ZUP1: variants seen among roughly 807,000 people sequenced by gnomAD.
ZUP1 encodes zinc finger containing ubiquitin peptidase 1.
A neutral mutation model predicts 68.1 loss-of-function variants in ZUP1; 55 were observed. The ratio of observed to expected loss-of-function variants is 0.81; its 90% CI spans 0.65 to 1.01. The LOEUF (loss-of-function observed/expected upper bound fraction) is 1.01, where lower values mean the gene tolerates loss of function less well. Ranked by LOEUF, ZUP1 falls within the 50% of genes least tolerant of loss-of-function variation. The pLI is 0.00. For synonymous variants in ZUP1, 223 were observed against 221.5 expected, an observed-to-expected ratio of 1.01 and a Z score of -0.06; for missense variants, 684 against 674.9, an observed-to-expected ratio of 1.01 and a Z score of -0.15.
chr6:116,655,040 T>C (rs545703326), intron 5 of ZUP1, among the ~76,000 whole-genome samples: 65 of 152,184 alleles, frequency 4.3e-4, no homozygotes, highest in African/African-American at 1.6e-3. Flanking sequence ...TCATAAATTA[T>C]AAGAGTAGAA....
At chr6:116,642,402 A>G (rs1350493431) in intron 9 of ZUP1, among the ~76,000 whole-genome samples, 15 of 152,088 alleles carry the variant, frequency 9.9e-5, no homozygotes, top group Admixed American at 9.8e-4. Flanking sequence ...ATTTTAGACC[A>G]ATATCCTTGA....
At chr6:116,645,628 AGTGATAACACTGATTTT>A in intron 9 of ZUP1, 69 bp downstream of exon 9, 1 of 1,055,878 alleles carries the variant, frequency 9.5e-7, no homozygotes, top group South Asian at 1.7e-5. Flanking sequence ...AAAAGAAAAA[AGTGATAACACTGATTTT>A]AAACTAAAAG....
At chr6:116,648,545 T>C (rs1266432185) in intron 7 of ZUP1, among the ~76,000 whole-genome samples, 6 of 152,202 alleles carry the variant, frequency 3.9e-5, no homozygotes, top group Non-Finnish European at 8.8e-5. Context: ...AATTAAACAG[T>C]ACCCTACAGG....
At chr6:116,662,658 C>G (rs1448669191) in intron 2 of ZUP1, among the ~76,000 whole-genome samples, 1 of 152,206 alleles carries the variant, frequency 6.6e-6, no homozygotes, top group African/African-American at 2.4e-5. Flanking sequence ...AAATCTTTCT[C>G]TGGATATTCA....
chr6:116,660,884 TATTTTAA>T, intron 2 of ZUP1, 38 bp from the exon 3 acceptor site: 1 of 1,250,760 alleles, frequency 8.0e-7, no homozygotes, highest in Non-Finnish European at 1.1e-6. Context: ...TTTATTTTTT[TATTTTAA>T]TTTTTTTCTT....
At chr6:116,657,258 A>G (rs1324139777) in intron 4 of ZUP1, among the ~76,000 whole-genome samples, 1 of 152,178 alleles carries the variant, frequency 6.6e-6, no homozygotes, top group Non-Finnish European at 1.5e-5. Flanking sequence ...TAATTCATTT[A>G]GTCAGTCATG....
chr6:116,664,344 T>C (rs192977120), intron 2 of ZUP1, among the ~76,000 whole-genome samples: 261 of 151,872 alleles, frequency 1.7e-3, no homozygotes, highest in Non-Finnish European at 3.1e-3. Context: ...GACAGGAGAA[T>C]TGCTTGAACC....
chr6:116,658,233 AT>A (rs1776726321), intron 4 of ZUP1, among the ~76,000 whole-genome samples: 1 of 152,216 alleles, frequency 6.6e-6, no homozygotes, highest in Non-Finnish European at 1.5e-5. Flanking sequence ...AATATAACAG[AT>A]GCTACCAGTT....
chr6:116,647,875 C>G (rs1483997660), intron 7 of ZUP1, among the ~76,000 whole-genome samples: 1 of 152,118 alleles, frequency 6.6e-6, no homozygotes, highest in African/African-American at 2.4e-5. Flanking sequence ...CATAATAAGT[C>G]TGCTGACTAA....
intron 2 of ZUP1, among the ~76,000 whole-genome samples, chr6:116,661,270 A>T (rs942600604): frequency 6.6e-6 from 1 of 152,110 alleles, no homozygotes; most frequent in Non-Finnish European, 1.5e-5. Flanking sequence ...AGCTCTTTGT[A>T]GTGGATTTAA....
Position 116,647,548 on chromosome 6 carries a change from T to C in ZUP1, c.1379A>G (p.Glu460Gly), listed in dbSNP as rs755471972. 1 of 1,601,732 alleles carries C rather than the reference T, an allele frequency of 6.2e-7. No individual in the cohort carries two copies. Residue 460 changes from glutamate (E) to glycine (G), a missense_variant, in exon 8 of 10, where the codon GAA becomes GGA. Coordinates refer to ENST00000368576, the MANE Select transcript of ZUP1 (RefSeq NM_145062.3). ...GPLGTHPRLF[E>G]WILNYYSSEG... is the part of the protein sequence containing the mutation. Reference sequence around the variant, plus strand: ...TGAAGAATAATAGTTCAATATCCATTCAAATAAGCGAGGGTGTGTACCCAA... The same window carrying C: ...TGAAGAATAATAGTTCAATATCCATCCAAATAAGCGAGGGTGTGTACCCAA...
chr6:116,658,804 T>A lies in ZUP1; in HGVS notation c.791A>T (p.Gln264Leu). 6.4e-7 allele frequency: 1 copy of A among 1,568,812 alleles called. No individual in the cohort carries two copies. The highest frequency in any genetic ancestry group is 8.7e-7 in the Non-Finnish European group (1 of 1,147,352). ...RQEIEEFQKL[Q>L]RQYGLDNSGG... ...TATAATTGTTATTAATCTTTGTACCTGCAGCTTCTGAAATTCTTCTATTTC... is the reference window on the plus strand; with the variant it reads ...TATAATTGTTATTAATCTTTGTACCAGCAGCTTCTGAAATTCTTCTATTTC... Residue 264 changes from glutamine (Q) to leucine (L), a missense_variant and splice_region_variant, in exon 4 of 10, where the codon CAG (glutamine) becomes CTG (leucine). Transcript: ENST00000368576.
intron 9 of ZUP1, among the ~76,000 whole-genome samples, chr6:116,641,109 TA>T (rs890555942): frequency 2.0e-5 from 3 of 147,958 alleles, no homozygotes; most frequent in Non-Finnish European, 4.5e-5. Context: ...TACATAATGG[TA>T]AAGGGATCAA....
chr6:116,645,639 T>C, intron 9 of ZUP1, 75 bp downstream of exon 9: 2 of 1,116,500 alleles, frequency 1.8e-6, no homozygotes, highest in Non-Finnish European at 1.3e-6. Flanking sequence ...GTGATAACAC[T>C]GATTTTAAAC....
intron 9 of ZUP1, among the ~76,000 whole-genome samples, chr6:116,639,712 A>T (rs985650677): frequency 6.6e-6 from 1 of 152,212 alleles, no homozygotes; most frequent in African/African-American, 2.4e-5. Context: ...AAAGACCAAC[A>T]GGAGATAAAA....
At chr6:116,650,942 G>A (rs79239209) in intron 7 of ZUP1, among the ~76,000 whole-genome samples, 2,165 of 151,618 alleles carry the variant, frequency 0.014, 46 homozygotes, top group African/African-American at 0.05. Flanking sequence ...ACAAAACAGT[G>A]AAAAAATGCT....
Position 116,660,813 on chromosome 6 carries a change from C to T in ZUP1, c.593G>A (p.Cys198Tyr), listed in dbSNP as rs762482736. 3.1e-6 allele frequency: 5 copies of T among 1,605,978 alleles called. No individual in the cohort carries two copies. Among genetic ancestry groups the T allele is most frequent in the East Asian group, 2.2e-5 (1 of 44,742 alleles). The part of the protein sequence containing the change: ...CDQPLYDCPM[C>Y]GLICTNYHIL... ...ATGGTAATTTGTACATATGAGCCCA[C>T]ACATAGGACAATCATAGAGTGGTTG... Residue 198 changes from cysteine (C) to tyrosine (Y), a missense_variant, in exon 3 of 10, where the codon TGT (cysteine) becomes TAT (tyrosine). By Grantham distance (194) the Cys-to-Tyr change is radical. Coordinates refer to ENST00000368576, the MANE Select transcript of ZUP1 (RefSeq NM_145062.3).
intron 7 of ZUP1, among the ~76,000 whole-genome samples, chr6:116,649,595 G>A (rs1173548767): frequency 6.6e-6 from 1 of 152,186 alleles, no homozygotes; most frequent in Non-Finnish European, 1.5e-5. Flanking sequence ...TTGCTTAGAA[G>A]GCAAATCACA....
chr6:116,639,716 G>C (rs1299424940), intron 9 of ZUP1, among the ~76,000 whole-genome samples: 1 of 152,188 alleles, frequency 6.6e-6, no homozygotes, highest in Non-Finnish European at 1.5e-5. Flanking sequence ...ACCAACAGGA[G>C]ATAAAACCAC....
Sources: gnomAD v4.1 joint callset for allele counts (sites outside exome capture counted in the v4.1 genomes callset) on GRCh38, gnomAD v4.1.1 for gene constraint, MANE v1.5 for transcripts, NCBI Gene and HGNC (gene_info 2026-07-23, HGNC 2026-07-21) for gene names.